The following SH3RF3 variants were observed in gnomAD, a reference collection of about 807,000 sequenced individuals.
SH3RF3 encodes SH3 domain containing ring finger 3.
SH3RF3 carries 29 observed loss-of-function variants against 66.3 expected under a neutral mutation model. The observed-to-expected ratio is 0.44, with a 90% confidence interval of 0.33 to 0.60. The LOEUF is 0.60. Among genes scored for constraint, SH3RF3 ranks in the 20% least tolerant of loss-of-function variants. The probability of loss-of-function intolerance (pLI) is 0.04; values close to 1 mark genes in which losing one functional copy is unlikely to be tolerated. For missense variants in SH3RF3, 1,194 were observed against 1,190.9 expected (o/e 1.00, Z -0.04); for synonymous variants, 583 against 532.0 (o/e 1.10, Z -1.32).
intron 4 of SH3RF3, among the ~76,000 whole-genome samples, chr2:109,408,902 G>A (rs981621786): frequency 6.6e-6 from 1 of 152,234 alleles, no homozygotes; most frequent in African/African-American, 2.4e-5. Flanking sequence ...CAACAGGCGA[G>A]TGAGAGCTGT....
intron 1 of SH3RF3, among the ~76,000 whole-genome samples, chr2:109,340,055 A>C (rs2105523841): frequency 6.6e-6 from 1 of 152,242 alleles, no homozygotes; most frequent in East Asian, 1.9e-4. Flanking sequence ...ATTTCACAGG[A>C]GTCCTGTGAG....
At chr2:109,138,628 T>C (rs1026888733) in intron 1 of SH3RF3, among the ~76,000 whole-genome samples, 1 of 152,204 alleles carries the variant, frequency 6.6e-6, no homozygotes, top group African/African-American at 2.4e-5. Context: ...TTCCTGTTCA[T>C]CTGCAGTGAG....
chr2:109,474,611 G>T (rs529282742), intron 8 of SH3RF3, among the ~76,000 whole-genome samples: 1 of 152,144 alleles, frequency 6.6e-6, no homozygotes, highest in Non-Finnish European at 1.5e-5. Context: ...GGTTTGGGCA[G>T]GGGGGGAGAA....
chr2:109,259,010 T>C (rs1257784760), intron 1 of SH3RF3, among the ~76,000 whole-genome samples: 2 of 152,208 alleles, frequency 1.3e-5, no homozygotes, highest in Non-Finnish European at 2.9e-5. Flanking sequence ...TGGGGTCAGC[T>C]CACTGTGTAG....
rs183057753 is a variant in SH3RF3 at position 109,204,403 on chromosome 2, C to G, written c.573+74290C>G. On this transcript the variant is annotated intron_variant, in intron 1 of 9. Transcript: ENST00000309415. ...ATCATTATCAATACCAGTTCACATT[C>G]AGGTTTTCCTGATTGTCCCTTAAAA... Among the ~76,000 whole-genome samples, 157 of 152,358 alleles carry G rather than the reference C, an allele frequency of 1.0e-3. 1 individual carries two copies. The highest frequency in any genetic ancestry group is 3.5e-3 in the African/African-American group (145 of 41,576).
intron 9 of SH3RF3, among the ~76,000 whole-genome samples, chr2:109,500,166 A>G (rs996318750): frequency 6.6e-6 from 1 of 152,154 alleles, no homozygotes; most frequent in Admixed American, 6.5e-5. Context: ...GACTGGGGTC[A>G]GCCTAGGGAT....
intron 1 of SH3RF3, among the ~76,000 whole-genome samples, chr2:109,137,701 C>T (rs1676842797): frequency 6.6e-6 from 1 of 152,244 alleles, no homozygotes; most frequent in Non-Finnish European, 1.5e-5. Flanking sequence ...GGCTTAGGCA[C>T]ATTTCAGTAA....
intron 1 of SH3RF3, among the ~76,000 whole-genome samples, chr2:109,190,171 C>T (rs2105018796): frequency 6.6e-6 from 1 of 152,242 alleles, no homozygotes; most frequent in South Asian, 2.1e-4. Context: ...ATCACCTTGA[C>T]ATCCTATTTT....
At chr2:109,459,246 A>T (rs12467408) in intron 8 of SH3RF3, among the ~76,000 whole-genome samples, 71 of 152,326 alleles carry the variant, frequency 4.7e-4, no homozygotes, top group Middle Eastern at 6.8e-3. Context: ...ACATTCACAC[A>T]GACATATTCT....
intron 1 of SH3RF3, among the ~76,000 whole-genome samples, chr2:109,268,843 C>T (rs957592653): frequency 2.0e-5 from 3 of 152,120 alleles, no homozygotes; most frequent in African/African-American, 7.2e-5. Flanking sequence ...ATGAGGTTTG[C>T]CAGGTTGGGT....
intron 1 of SH3RF3, among the ~76,000 whole-genome samples, chr2:109,297,076 C>T (rs997304276): frequency 6.6e-6 from 1 of 151,972 alleles, no homozygotes; most frequent in African/African-American, 2.4e-5. Flanking sequence ...GCTGTTGGTC[C>T]AGGTGGGGGG....
At chr2:109,244,720 A>G (rs996315756) in intron 1 of SH3RF3, among the ~76,000 whole-genome samples, 2 of 152,224 alleles carry the variant, frequency 1.3e-5, no homozygotes, top group Non-Finnish European at 2.9e-5. Context: ...CAGCCTCTAG[A>G]GACAGGAGTC....
intron 1 of SH3RF3, among the ~76,000 whole-genome samples, chr2:109,209,496 C>T (rs1392232494): frequency 6.6e-6 from 1 of 152,116 alleles, no homozygotes; most frequent in Non-Finnish European, 1.5e-5. Context: ...GCTGGGAGAG[C>T]AGGCCTGGGT....
chr2:109,484,532 C>G (rs987101818), intron 8 of SH3RF3, among the ~76,000 whole-genome samples: 1 of 152,174 alleles, frequency 6.6e-6, no homozygotes, highest in Non-Finnish European at 1.5e-5. Context: ...ATCAGCCCAG[C>G]TCTTGAGGCC....
chr2:109,245,820 TG>T (rs1469953120), intron 1 of SH3RF3, among the ~76,000 whole-genome samples: 2 of 152,240 alleles, frequency 1.3e-5, no homozygotes, highest in Admixed American at 6.5e-5. Context: ...CAGATCTTTA[TG>T]GAGTTTGTAA....
At chr2:109,210,005 T>C (rs796808432) in intron 1 of SH3RF3, among the ~76,000 whole-genome samples, 8 of 152,384 alleles carry the variant, frequency 5.2e-5, no homozygotes, top group African/African-American at 1.9e-4. Context: ...ACCTCTGTTA[T>C]ACTTTCTGTC....
At position 109,195,353 on chromosome 2, in the gene SH3RF3, G is replaced by A. The variant is rs542313019; in HGVS notation, c.573+65240G>A. Among the ~76,000 whole-genome samples, 5 of 152,338 alleles carry A rather than the reference G, an allele frequency of 3.3e-5. No individual in the cohort carries two copies. In the South Asian group the frequency reaches 8.3e-4, roughly 25 times the overall value. ...GGGTGACAGCCAGGACAAGGGGCAA[G>A]TGAGGAGCTGCTGCCAAGCTTCCCT... is the stretch of plus-strand genomic sequence containing the variant. On this transcript the variant is annotated intron_variant, in intron 1 of 9. Coordinates refer to ENST00000309415, the MANE Select transcript of SH3RF3 (RefSeq NM_001099289.3).
chr2:109,406,582 G>T (rs1208105441), intron 4 of SH3RF3, among the ~76,000 whole-genome samples: 1 of 152,074 alleles, frequency 6.6e-6, no homozygotes, highest in Non-Finnish European at 1.5e-5. Flanking sequence ...TACTTGTTTT[G>T]GTAAATGAAA....
At chr2:109,190,557 C>G (rs1293901735) in intron 1 of SH3RF3, among the ~76,000 whole-genome samples, 2 of 152,140 alleles carry the variant, frequency 1.3e-5, no homozygotes, top group Non-Finnish European at 2.9e-5. Context: ...TGTATAACAC[C>G]TGAGTGAACA....
Sources: gnomAD v4.1 joint callset for allele counts (sites outside exome capture counted in the v4.1 genomes callset) on GRCh38, gnomAD v4.1.1 for gene constraint, MANE v1.5 for transcripts, NCBI Gene and HGNC (gene_info 2026-07-23, HGNC 2026-07-21) for gene names.